The following PSME4 variants were observed in gnomAD, a reference collection of about 807,000 sequenced individuals.
The protein encoded by PSME4 is proteasome activator complex subunit 4.
In PSME4, 89 loss-of-function variants were observed where a neutral mutation model predicts 253.9. The observed-to-expected ratio is 0.35, with a 90% CI of 0.30 to 0.42. PSME4 has a LOEUF of 0.42. PSME4 is among the 10% of genes least tolerant of loss of function. The pLI is 1.00. For missense variants in PSME4, 2,014 were observed against 2,195.2 expected (o/e 0.92, Z 1.65); for synonymous variants, 851 against 759.2 (o/e 1.12, Z -1.99).
At chr2:53,900,735 A>G (rs1680359174) in intron 28 of PSME4, among the ~76,000 whole-genome samples, 1 of 152,210 alleles carries the variant, frequency 6.6e-6, no homozygotes, top group African/African-American at 2.4e-5. Flanking sequence ...TGTTTGATTT[A>G]AAAGGAATAC....
intron 17 of PSME4, 74 bp from the exon 18 acceptor site, chr2:53,921,178 A>G: frequency 1.9e-6 from 3 of 1,590,020 alleles, no homozygotes; most frequent in Middle Eastern, 4.5e-4. Context: ...GCAAAGTTCA[A>G]TGTTTGGCCA....
At chr2:53,909,681 C>A (rs980118337) in intron 21 of PSME4, among the ~76,000 whole-genome samples, 1 of 152,020 alleles carries the variant, frequency 6.6e-6, no homozygotes, top group Non-Finnish European at 1.5e-5. Context: ...CATTTTAGGC[C>A]GGGCAGGGTG....
At position 53,962,826 on chromosome 2, in the gene PSME4, T is replaced by A. The variant is rs62139333; in HGVS notation, c.242+7717A>T. On this transcript the variant is annotated intron_variant, in intron 1 of 46. Transcript: ENST00000404125. ...TGGAGATCGAGACCATCCTGGCCAA[T>A]AAGGTGAAACCCCATCTCTATTAAA... is the stretch of plus-strand genomic sequence containing the variant. Among the ~76,000 whole-genome samples the A allele has an allele frequency of 5.8e-3, 883 of 151,842 alleles. 3 individuals are homozygous for A. Among genetic ancestry groups the A allele is most frequent in the Middle Eastern group, 0.01 (3 of 290 alleles).
chr2:53,897,857 A>G lies in PSME4; in HGVS notation c.3606+13T>C, dbSNP rs765058249. On this transcript the variant is annotated intron_variant, in intron 31 of 46. Transcript: ENST00000404125. ...TCTCAAACCCAAGACTGTAGCTAAA[A>G]CAAGGTATGTACCTTTCGAACTACA... The G allele has an allele frequency of 1.9e-5, 30 of 1,612,646 alleles. No individual in the cohort carries two copies. Among genetic ancestry groups the G allele is most frequent in the Admixed American group, 1.0e-4 (6 of 59,982 alleles).
intron 41 of PSME4, among the ~76,000 whole-genome samples, chr2:53,881,172 A>C (rs1679373392): frequency 6.6e-6 from 1 of 152,210 alleles, no homozygotes; most frequent in African/African-American, 2.4e-5. Context: ...TTTAGTTAGC[A>C]AAGGAATCAC....
At chr2:53,877,884 T>C (rs1362393173) in intron 41 of PSME4, among the ~76,000 whole-genome samples, 2 of 152,218 alleles carry the variant, frequency 1.3e-5, no homozygotes, top group Non-Finnish European at 2.9e-5. Flanking sequence ...CCTCAGTTAA[T>C]ATAATCCTTG....
intron 20 of PSME4, among the ~76,000 whole-genome samples, chr2:53,912,500 C>T (rs1667868413): frequency 6.6e-6 from 1 of 152,162 alleles, no homozygotes; most frequent in African/African-American, 2.4e-5. Context: ...CTCTGCCACC[C>T]AGGCTGCAGT....
intron 20 of PSME4, among the ~76,000 whole-genome samples, chr2:53,918,738 T>C (rs1668169426): frequency 6.6e-6 from 1 of 152,182 alleles, no homozygotes; most frequent in East Asian, 1.9e-4. Context: ...ATAAAACCAA[T>C]TCAAAATCAT....
chr2:53,917,960 C>A (rs1169153723), intron 20 of PSME4, among the ~76,000 whole-genome samples: 1 of 152,144 alleles, frequency 6.6e-6, no homozygotes, highest in African/African-American at 2.4e-5. Flanking sequence ...GATTTCCTTA[C>A]CTGAAATGAC....
chr2:53,869,184 T>G (rs184918672), intron 44 of PSME4, among the ~76,000 whole-genome samples, 192 bp downstream of exon 44: 1 of 152,294 alleles, frequency 6.6e-6, no homozygotes, highest in Admixed American at 6.5e-5. Context: ...TCTATCTACC[T>G]CAATTTTAGC....
At chr2:53,948,307 C>T (rs936000410) in intron 3 of PSME4, 114 bp downstream of exon 3, 5 of 714,014 alleles carry the variant, frequency 7.0e-6, no homozygotes, top group African/African-American at 1.8e-5. Context: ...CAGAAATAGG[C>T]ACATTAAAAT....
Position 53,869,363 on chromosome 2 carries a change from C to A in PSME4, c.5263+13G>T. ...CCCAATAGGATACAGGTGTTTCCTA[C>A]CAGCAATGTTACCTGCAGAAGGAAT... On this transcript the variant is annotated intron_variant, in intron 44 of 46. Transcript: ENST00000404125. The A allele has an allele frequency of 6.3e-7, 1 of 1,591,452 alleles. No individual in the cohort carries two copies. The highest frequency in any genetic ancestry group is 8.6e-7 in the Non-Finnish European group (1 of 1,163,134).
In PSME4 at chr2:53,932,523, TA is replaced by T; in HGVS notation, c.1050+144del. The T allele has an allele frequency of 7.4e-6, 5 of 675,568 alleles. No homozygotes were observed. The South Asian group carries it at 9.5e-5, about 13-fold the overall frequency. 41.8% of individuals were successfully genotyped at this position (675,568 alleles called of 1,614,324 possible). A position where few individuals can be genotyped will look rare whatever the true frequency, so the allele number is the denominator to read the frequency against. On this transcript the variant is annotated intron_variant, in intron 9 of 46. Transcript: ENST00000404125. Reference sequence around the variant, plus strand: ...TTAATTTATATGCTCTCCCACACAGTAATTTAATTTAAATGTAAGCATTTAC... The same window carrying T: ...TTAATTTATATGCTCTCCCACACAGTATTTAATTTAAATGTAAGCATTTAC...
At chr2:53,929,834 A>G (rs1417447223) in intron 10 of PSME4, among the ~76,000 whole-genome samples, 1 of 151,958 alleles carries the variant, frequency 6.6e-6, no homozygotes, top group African/African-American at 2.4e-5. Context: ...CCTGACCAAC[A>G]TGGTGAAACG....
chr2:53,928,091 G>T, intron 11 of PSME4, 26 bp downstream of exon 11: 1 of 1,556,702 alleles, frequency 6.4e-7, no homozygotes, highest in Non-Finnish European at 8.8e-7. Context: ...CCTAAATACG[G>T]AGTGTATAAT....
intron 43 of PSME4, among the ~76,000 whole-genome samples, chr2:53,871,655 T>C (rs1008375994): frequency 6.6e-6 from 1 of 152,246 alleles, no homozygotes; most frequent in Non-Finnish European, 1.5e-5. Context: ...AAGTCATCTC[T>C]GCTCCTATTA....
Position 53,925,578 on chromosome 2 carries a change from A to C in PSME4, c.1770T>G (p.Phe590Leu). ...TGGAACATTGGGTGAGGATTGTACT[A>C]AACGTAGAAGACAGACCTAATTCGA... ...SLVELGLSST[F>L]STILTQCSKE... Residue 590 changes from phenylalanine to leucine, a missense_variant, in exon 14 of 47, where the codon TTT becomes TTG. Transcript: ENST00000404125. The C allele has an allele frequency of 1.2e-6, 2 of 1,601,302 alleles. No homozygotes were observed. The highest frequency in any genetic ancestry group is 1.7e-6 in the Non-Finnish European group (2 of 1,169,500).
At chr2:53,939,897 A>C (rs1669307978) in intron 4 of PSME4, 59 bp downstream of exon 4, 1 of 1,417,622 alleles carries the variant, frequency 7.1e-7, no homozygotes, top group South Asian at 1.2e-5. Context: ...AACCATACTA[A>C]AGATGTGGAA....
chr2:53,905,538 TAAAAATGA>T (rs1680616425), intron 26 of PSME4, among the ~76,000 whole-genome samples: 1 of 152,012 alleles, frequency 6.6e-6, no homozygotes, highest in African/African-American at 2.4e-5. Context: ...TTATCTCTAT[TAAAAATGA>T]AAAAAATTAG....
Sources: allele counts gnomAD v4.1 joint callset (sites outside exome capture counted in the v4.1 genomes callset), GRCh38; gene constraint gnomAD v4.1.1; transcripts MANE v1.5; gene names NCBI Gene and HGNC (gene_info 2026-07-23, HGNC 2026-07-21).